ABCC8: variants seen among roughly 807,000 people sequenced by gnomAD.
ABCC8 encodes ATP binding cassette subfamily C member 8, also known as ATP-binding cassette sub-family C member 8.
A neutral mutation model predicts 188.0 loss-of-function variants in ABCC8; 137 were observed. The ratio of observed to expected loss-of-function variants is 0.73; its 90% CI spans 0.63 to 0.84. The LOEUF is 0.84. Ranked by LOEUF, ABCC8 falls within the 40% of genes least tolerant of loss-of-function variation. ABCC8 has a pLI of 0.00. For missense variants in ABCC8, 1,750 were observed against 2,072.7 expected, an observed-to-expected ratio of 0.84 and a Z score of 3.02; for synonymous variants, 797 against 846.5, an observed-to-expected ratio of 0.94 and a Z score of 1.01.
At chr11:17,466,330 C>G (rs1475579188) in intron 3 of ABCC8, among the ~76,000 whole-genome samples, 6 of 143,608 alleles carry the variant, frequency 4.2e-5, no homozygotes, top group Non-Finnish European at 7.4e-5. Context: ...ACCAGAGAAG[C>G]AGAGGTTGCG....
chr11:17,409,204 G>A (rs977378799), intron 22 of ABCC8, among the ~76,000 whole-genome samples: 2 of 151,058 alleles, frequency 1.3e-5, no homozygotes, highest in African/African-American at 4.9e-5. Flanking sequence ...CAATCCACCC[G>A]CCTTGGCCTC....
chr11:17,427,711 C>T lies in ABCC8; in HGVS notation c.2116+156G>A, dbSNP rs973551754. On this transcript the variant is annotated intron_variant, in intron 15 of 38. Coordinates refer to ENST00000389817, the MANE Select transcript of ABCC8 (RefSeq NM_000352.6). The surrounding 1 kb of genome is among the most constrained non-coding windows in gnomAD (Gnocchi z 5.0). Reference sequence around the variant, plus strand: ...ACTCCCACCCAGCACACGGAAGCCTCTAGAATGTAGCCTTCCCCTTCTATA... The same window carrying T: ...ACTCCCACCCAGCACACGGAAGCCTTTAGAATGTAGCCTTCCCCTTCTATA... Among the ~76,000 whole-genome samples, 1 of 152,218 alleles carries T rather than the reference C, an allele frequency of 6.6e-6. No individual in the cohort carries two copies. Among genetic ancestry groups the T allele is most frequent in the Non-Finnish European group, 1.5e-5 (1 of 68,036 alleles).
rs536030308 is a variant in ABCC8 at position 17,425,435 on chromosome 11, C to T, written c.2222+1614G>A. Reference sequence around the variant, plus strand: ...ACTCATGCTTATGAAAAACCTGACACCTTCAATAATTTTCCCCTAGAAATG... The same window carrying T: ...ACTCATGCTTATGAAAAACCTGACATCTTCAATAATTTTCCCCTAGAAATG... On this transcript the variant is annotated intron_variant, in intron 16 of 38. Transcript: ENST00000389817. Among the ~76,000 whole-genome samples the T allele has an allele frequency of 2.6e-5, 4 of 152,336 alleles. No homozygotes were observed. In the South Asian group the frequency reaches 8.3e-4, roughly 32 times the overall value.
At chr11:17,418,209 C>T (rs371987515) in intron 16 of ABCC8, among the ~76,000 whole-genome samples, 1 of 152,092 alleles carries the variant, frequency 6.6e-6, no homozygotes, top group East Asian at 1.9e-4. Context: ...AAAATAGCTC[C>T]GACTCCAACG....
At chr11:17,442,992 G>A (rs1038955411) in intron 9 of ABCC8, 110 bp from the exon 10 acceptor site, 60 of 1,567,004 alleles carry the variant, frequency 3.8e-5, no homozygotes, top group Non-Finnish European at 4.6e-5. Flanking sequence ...TGTCCTCACC[G>A]GGAGGCAGCC....
intron 12 of ABCC8, chr11:17,430,589 C>A: frequency 1.7e-6 from 1 of 604,892 alleles, no homozygotes; most frequent in Non-Finnish European, 3.0e-6. Context: ...GACAGTGAGT[C>A]CCCTCTCCTG....
Position 17,476,710 on chromosome 11 carries a change from T to C in ABCC8, c.67A>G (p.Asn23Asp), listed in dbSNP as rs774248683. 6.2e-7 allele frequency: 1 copy of C among 1,611,294 alleles called. No homozygotes were observed. Among genetic ancestry groups the C allele is most frequent in the South Asian group, 1.1e-5 (1 of 90,582 alleles). ...AGCGCGTCCACAAAGCAGCCGTTGT[T>C]GAGGACCCCCTGGTCCACCCGGTAG... ...AAYRVDQGVL[N>D]NGCFVDALNV... Residue 23 changes from asparagine (N) to aspartate (D), a missense_variant, in exon 1 of 39, where the codon AAC becomes GAC. Asn to Asp is a conservative substitution (Grantham distance 23). Transcript: ENST00000389817.
intron 6 of ABCC8, among the ~76,000 whole-genome samples, chr11:17,459,763 G>A (rs894075091): frequency 1.7e-4 from 26 of 152,292 alleles, no homozygotes; most frequent in African/African-American, 5.5e-4. Flanking sequence ...CCCAGCCCCC[G>A]AAGTGGATGC....
At chr11:17,475,813 C>T (rs1052022739) in intron 1 of ABCC8, among the ~76,000 whole-genome samples, 34 of 152,178 alleles carry the variant, frequency 2.2e-4, no homozygotes, top group African/African-American at 7.0e-4. Flanking sequence ...AGTGAATGAA[C>T]ACGTTTTGGG....
chr11:17,393,126 A>G lies in ABCC8; in HGVS notation c.4611T>C (p.His1537=). ...FADRTVVTIA[H]RVHTILSADL... ...CTGCACTCAGGATGGTGTGCACTCG[A>G]TGCTGGGCAGGGCAGGAGGGGGCGG... The change falls in exon 39 of 39, where the codon CAT becomes CAC. Residue 1537 remains histidine (H), a splice_region_variant and synonymous_variant. Coordinates refer to ENST00000389817, the MANE Select transcript of ABCC8 (RefSeq NM_000352.6). 6.5e-7 allele frequency: 1 copy of G among 1,547,118 alleles called. No homozygotes were observed. Among genetic ancestry groups the G allele is most frequent in the Non-Finnish European group, 8.8e-7 (1 of 1,134,458 alleles).
At chr11:17,423,076 C>T (rs1020605793) in intron 16 of ABCC8, among the ~76,000 whole-genome samples, 5 of 151,922 alleles carry the variant, frequency 3.3e-5, no homozygotes, top group South Asian at 4.2e-4. Context: ...AAAGCGGGGC[C>T]GGCCAGGGGT....
In ABCC8 at chr11:17,432,239, T is replaced by A; in HGVS notation, c.1636A>T (p.Met546Leu). ...FAIYTSISIF[M>L]NTAIPIAAVL... Reference sequence around the variant, plus strand: ...GCTGCAATGGGGATGGCCGTGTTCATGAAAACTGCAGAGGAAGCACAGGGA... The same window carrying A: ...GCTGCAATGGGGATGGCCGTGTTCAAGAAAACTGCAGAGGAAGCACAGGGA... Residue 546 changes from methionine to leucine, a missense_variant, in exon 11 of 39, where the codon ATG (methionine) becomes TTG (leucine). By Grantham distance (15) the Met-to-Leu change is conservative. Coordinates refer to ENST00000389817, the MANE Select transcript of ABCC8 (RefSeq NM_000352.6). 1 of 1,552,360 alleles carries A rather than the reference T, an allele frequency of 6.4e-7. No homozygotes were observed. The highest frequency in any genetic ancestry group is 8.7e-7 in the Non-Finnish European group (1 of 1,147,274).
At chr11:17,446,800 C>T (rs531387037) in intron 8 of ABCC8, among the ~76,000 whole-genome samples, 7 of 151,982 alleles carry the variant, frequency 4.6e-5, no homozygotes, top group Non-Finnish European at 4.4e-5. Context: ...CCTGTGGGAG[C>T]CTCTCCCCTT....
chr11:17,435,560 AG>A, intron 10 of ABCC8: 4 of 1,316,372 alleles, frequency 3.0e-6, no homozygotes, highest in Non-Finnish European at 4.4e-6. Context: ...AAAGCACAAA[AG>A]GATTTAAACA....
chr11:17,461,535 C>G (rs770853302), intron 5 of ABCC8, 48 bp downstream of exon 5: 1 of 1,612,634 alleles, frequency 6.2e-7, no homozygotes, highest in Non-Finnish European at 8.5e-7. Context: ...CTCTGTGACC[C>G]TAAACCAGAA....
chr11:17,410,474 C>T, intron 22 of ABCC8, 42 bp downstream of exon 22: 1 of 1,607,522 alleles, frequency 6.2e-7, no homozygotes, highest in Non-Finnish European at 8.5e-7. Context: ...ACAGCCTCCC[C>T]AGCCCTGCCC....
chr11:17,405,518 T>C lies in ABCC8; in HGVS notation c.3375A>G (p.Ser1125=), dbSNP rs1954474434. The C allele has an allele frequency of 1.2e-6, 2 of 1,614,134 alleles. No individual in the cohort carries two copies. Among genetic ancestry groups the C allele is most frequent in the African/African-American group, 1.3e-5 (1 of 74,948 alleles). ...CCTGGTCGATGGTGTTACAGTCAGATGAAAATCTGTTCAGGATGCTCCCAA... is the reference window on the plus strand; with the variant it reads ...CCTGGTCGATGGTGTTACAGTCAGACGAAAATCTGTTCAGGATGCTCCCAA... ...TPLGSILNRF[S]SDCNTIDQHI... is the part of the protein sequence containing the mutation. Residue 1125 remains serine (S), a synonymous_variant, in exon 27 of 39, where the codon TCA becomes TCG. Coordinates refer to ENST00000389817, the MANE Select transcript of ABCC8 (RefSeq NM_000352.6).
At chr11:17,430,999 G>C in intron 11 of ABCC8, 40 bp from the exon 12 acceptor site, 1 of 1,608,610 alleles carries the variant, frequency 6.2e-7, no homozygotes, top group Non-Finnish European at 8.5e-7. Context: ...GTGGCCCAGG[G>C]TGTGGGTCCC....
chr11:17,473,440 TG>T (rs1848586509), intron 2 of ABCC8, among the ~76,000 whole-genome samples: 1 of 151,988 alleles, frequency 6.6e-6, no homozygotes, highest in African/African-American at 2.4e-5. Context: ...GAAGGGAAGG[TG>T]GGGAACGGGA....
Sources: allele counts gnomAD v4.1 joint callset (sites outside exome capture counted in the v4.1 genomes callset), GRCh38; gene constraint gnomAD v4.1.1; non-coding constraint Gnocchi (gnomAD v3.1); transcripts MANE v1.5; gene names NCBI Gene and HGNC (gene_info 2026-07-23, HGNC 2026-07-21).